Variants in VWF observed in about 807,000 individuals in gnomAD.
VWF encodes von Willebrand factor.
In VWF, 176 loss-of-function variants were observed where a neutral mutation model predicts 308.6. That is an observed-to-expected ratio of 0.57 (90% confidence interval 0.50 to 0.65). VWF has a LOEUF of 0.65. Ranked by LOEUF, VWF falls within the 30% of genes least tolerant of loss-of-function variation. The pLI, the probability that VWF is intolerant of heterozygous loss-of-function variation, is 0.00. For missense variants in VWF, 3,146 were observed against 3,648.2 expected (o/e 0.86, Z 3.55); for synonymous variants, 1,385 against 1,443.4 (o/e 0.96, Z 0.92).
intron 34 of VWF, among the ~76,000 whole-genome samples, chr12:6,004,207 A>G (rs144136814): frequency 1.3e-5 from 2 of 152,356 alleles, no homozygotes; most frequent in East Asian, 3.9e-4. Flanking sequence ...ATAAAATATT[A>G]CCAAACAGAA....
At chr12:5,988,299 G>A (rs116024563) in intron 38 of VWF, among the ~76,000 whole-genome samples, 1 of 152,168 alleles carries the variant, frequency 6.6e-6, no homozygotes, top group African/African-American at 2.4e-5. Context: ...GGACGGAAAA[G>A]GGAAGGACTA....
intron 6 of VWF, chr12:6,095,232 C>T (rs771675927): frequency 4.9e-6 from 3 of 608,052 alleles, no homozygotes; most frequent in Admixed American, 2.4e-5. Flanking sequence ...GTTATAGCAG[C>T]ACAAATGGAC....
At chr12:6,072,614 C>G (rs1944794218) in intron 8 of VWF, among the ~76,000 whole-genome samples, 172 bp from the exon 9 acceptor site, 1 of 152,310 alleles carries the variant, frequency 6.6e-6, no homozygotes. Flanking sequence ...AATTCCTCAT[C>G]TCCATTACTA....
chr12:6,028,675 A>G lies in VWF; in HGVS notation c.2967+667T>C, dbSNP rs183503832. Reference sequence around the variant, plus strand: ...CACCCAAACTAAGCTTCATAAGTGAAAGAGAAATAAAATCCTTTACAGACA... The same window carrying G: ...CACCCAAACTAAGCTTCATAAGTGAGAGAGAAATAAAATCCTTTACAGACA... On this transcript the variant is annotated intron_variant, in intron 22 of 51. Transcript: ENST00000261405. Among the ~76,000 whole-genome samples the G allele has an allele frequency of 1.3e-4, 20 of 152,312 alleles. No individual in the cohort carries two copies. In the East Asian group the frequency reaches 3.9e-3, roughly 29 times the overall value.
chr12:5,976,269 A>T lies in VWF; in HGVS notation c.7288-9T>A. The T allele has an allele frequency of 6.2e-7, 1 of 1,614,164 alleles. No homozygotes were observed. The highest frequency in any genetic ancestry group is 8.5e-7 in the Non-Finnish European group (1 of 1,180,038). ...CTTCGGTGGACACACACCTGTAGAC[A>T]TAAGTTTTCGTGAGTGAACTCATTT... is the stretch of plus-strand genomic sequence containing the variant. On this transcript the variant is annotated splice_polypyrimidine_tract_variant and intron_variant, in intron 42 of 51. Coordinates refer to ENST00000261405, the MANE Select transcript of VWF (RefSeq NM_000552.5).
In VWF at chr12:6,057,897, C is replaced by A. The variant is rs376162697; in HGVS notation, c.1681G>T (p.Asp561Tyr). The A allele has an allele frequency of 4.3e-6, 7 of 1,612,566 alleles. No individual in the cohort carries two copies. In the Admixed American group the frequency reaches 8.3e-5, roughly 19 times the overall value. Residue 561 changes from aspartate (D) to tyrosine (Y), a missense_variant, in exon 14 of 52, where the codon GAC becomes TAC. Asp to Tyr is a radical substitution (Grantham distance 160). Around this residue, in one of 3 missense-constraint regions of VWF, gnomAD observed 1,304 missense variants for 1,353.0 expected, o/e 0.96. Coordinates refer to ENST00000261405, the MANE Select transcript of VWF (RefSeq NM_000552.5). ...GGATCGCTGTGCTGCTTCTGCAGGT[C>A]CTGGCAGTCCCCGTGCAGCTTCCAG... is the stretch of plus-strand genomic sequence containing the variant. ...NAWKLHGDCQ[D>Y]LQKQHSDPCA...
intron 16 of VWF, among the ~76,000 whole-genome samples, chr12:6,049,939 A>G (rs1378938262): frequency 1.3e-5 from 2 of 151,984 alleles, no homozygotes; most frequent in East Asian, 1.9e-4. Flanking sequence ...CATTCCCCCA[A>G]GTTCTGACTC....
At position 6,058,181 on chromosome 12, in the gene VWF, T is replaced by G. The variant is rs1591890998; in HGVS notation, c.1534-137A>C. Reference sequence around the variant, plus strand: ...AAATATGAATGTAATAAAAGGCAGCTAAGCCCTAGGCTGCAAAAGGGGGGG... The same window carrying G: ...AAATATGAATGTAATAAAAGGCAGCGAAGCCCTAGGCTGCAAAAGGGGGGG... On this transcript the variant is annotated intron_variant, in intron 13 of 51. Transcript: ENST00000261405. This position sits in a 1 kb window ranked among gnomAD's most constrained non-coding sequence, Gnocchi z 4.9. The G allele has an allele frequency of 9.2e-6, 9 of 979,832 alleles. No individual in the cohort carries two copies. Among genetic ancestry groups the G allele is most frequent in the African/African-American group, 1.7e-5 (1 of 59,798 alleles). 60.7% of individuals were successfully genotyped at this position (979,832 alleles called of 1,614,324 possible).
At position 6,018,929 on chromosome 12, in the gene VWF, G is replaced by A. The variant is rs756949464; in HGVS notation, c.4489C>T (p.Leu1497=). ...CCTTCCAGGACGAACGCCACATCCA[G>A]AACCATGGAGTTCCTCTTGGGCCCC... ...TLGPKRNSMV[L]DVAFVLEGSD... Residue 1497 remains leucine, a synonymous_variant, in exon 28 of 52, where the codon CTG becomes TTG. Coordinates refer to ENST00000261405, the MANE Select transcript of VWF (RefSeq NM_000552.5). 2.5e-6 allele frequency: 4 copies of A among 1,613,942 alleles called. No homozygotes were observed. The South Asian group carries it at 4.4e-5, about 18-fold the overall frequency.
Position 6,064,364 on chromosome 12 carries a change from A to G in VWF, c.1314T>C (p.Ala438=), listed in dbSNP as rs1944688719. The change falls in exon 12 of 52, where the codon GCT becomes GCC. Residue 438 remains alanine (A), a synonymous_variant. Transcript: ENST00000261405. ...ETVQCADDRD[A]VCTRSVTVRL... ...GGACGGTGACGGAGCGGGTGCACAC[A>G]GCGTCGCGGTCATCAGCACACTGCC... The G allele has an allele frequency of 2.5e-6, 4 of 1,614,008 alleles. No homozygotes were observed. Among genetic ancestry groups the G allele is most frequent in the African/African-American group, 1.3e-5 (1 of 74,924 alleles).
chr12:6,060,236 G>GGCAGAGCTGGGCCCTGCAGGGCAGCCA lies in VWF; in HGVS notation c.1534-2219_1534-2193dup, dbSNP rs1944638732. ...ATCTTTTCCACACTGCTATGCCTAAGGCAGAGCTGGGCCCTGCAGGGCAGC... is the reference window on the plus strand; with the variant it reads ...ATCTTTTCCACACTGCTATGCCTAAGGCAGAGCTGGGCCCTGCAGGGCAGCCAGCAGAGCTGGGCCCTGCAGGGCAGC... On this transcript the variant is annotated intron_variant, in intron 13 of 51. Coordinates refer to ENST00000261405, the MANE Select transcript of VWF (RefSeq NM_000552.5). The surrounding 1 kb of genome is among the most constrained non-coding windows in gnomAD (Gnocchi z 5.1). 1.3e-5 allele frequency among the ~76,000 whole-genome samples: 2 copies of GGCAGAGCTGGGCCCTGCAGGGCAGCCA among 152,178 alleles called. No individual in the cohort carries two copies. The highest frequency in any genetic ancestry group is 1.3e-4 in the Admixed American group (2 of 15,286).
Position 6,058,128 on chromosome 12 carries a change from A to G in VWF, c.1534-84T>C. 1 of 1,495,188 alleles carries G rather than the reference A, an allele frequency of 6.7e-7. No homozygotes were observed. The highest frequency in any genetic ancestry group is 9.0e-7 in the Non-Finnish European group (1 of 1,110,340). 92.6% of individuals were successfully genotyped at this position (1,495,188 alleles called of 1,614,324 possible). A position where few individuals can be genotyped will look rare whatever the true frequency, so the allele number is the denominator to read the frequency against. ...TTAGCTAATGAGATGGTTTTAATAA[A>G]AAAAAAAAAGTTCCCCGGGTGAAAC... is the stretch of plus-strand genomic sequence containing the variant. On this transcript the variant is annotated intron_variant, in intron 13 of 51. Coordinates refer to ENST00000261405, the MANE Select transcript of VWF (RefSeq NM_000552.5). This position sits in a 1 kb window ranked among gnomAD's most constrained non-coding sequence, Gnocchi z 4.9.
chr12:6,000,191 A>T (rs1359433424), intron 34 of VWF, among the ~76,000 whole-genome samples: 1 of 152,224 alleles, frequency 6.6e-6, no homozygotes. Flanking sequence ...GTCCGGAAAA[A>T]TTAACCCAAA....
intron 3 of VWF, 85 bp from the exon 4 acceptor site, chr12:6,111,053 C>A (rs1035963900): frequency 7.7e-7 from 1 of 1,294,540 alleles, no homozygotes; most frequent in African/African-American, 1.5e-5. Context: ...TCTACGTAAC[C>A]TTTTCTCAGC....
At chr12:6,074,981 G>A (rs1398384121) in intron 7 of VWF, among the ~76,000 whole-genome samples, 1 of 152,070 alleles carries the variant, frequency 6.6e-6, no homozygotes, top group African/African-American at 2.4e-5. Flanking sequence ...CAATTCGGGC[G>A]GGCAGGCGGT....
chr12:6,121,371 T>C (rs756077754), intron 2 of VWF, 33 bp from the exon 3 acceptor site: 4 of 1,610,910 alleles, frequency 2.5e-6, no homozygotes, highest in Non-Finnish European at 3.4e-6. Context: ...GGGCTGGTGA[T>C]CTCAGGGCAC....
rs199604081 is a variant in VWF, at chr12:6,018,702, G to A, written c.4716C>T (p.Gly1572=). The change falls in exon 28 of 52, where the codon GGC becomes GGT. Residue 1572 remains glycine (G), a synonymous_variant. Coordinates refer to ENST00000261405, the MANE Select transcript of VWF (RefSeq NM_000552.5). The part of the protein sequence containing the change: ...LQRVREIRYQ[G]GNRTNTGLAL... Reference sequence around the variant, plus strand: ...CCAGCCCAGTGTTGGTCCTGTTGCCGCCCTGGTAGCGGATCTCTCGCACCC... The same window carrying A: ...CCAGCCCAGTGTTGGTCCTGTTGCCACCCTGGTAGCGGATCTCTCGCACCC... The A allele has an allele frequency of 5.1e-5, 83 of 1,613,632 alleles. No individual in the cohort carries two copies. Among genetic ancestry groups the A allele is most frequent in the Middle Eastern group, 1.7e-4 (1 of 6,010 alleles).
At chr12:6,028,588 GA>G (rs530537072) in intron 22 of VWF, among the ~76,000 whole-genome samples, 60 of 152,322 alleles carry the variant, frequency 3.9e-4, no homozygotes, top group African/African-American at 1.2e-3. Flanking sequence ...AGCCAGAAGA[GA>G]GGGGGGGACC....
chr12:6,071,415 C>T, intron 9 of VWF, 72 bp from the exon 10 acceptor site: 1 of 1,559,242 alleles, frequency 6.4e-7, no homozygotes, highest in Non-Finnish European at 8.8e-7. Context: ...ATTTAGAGCT[C>T]ATGGTAGTTA....
Sources: allele counts gnomAD v4.1 joint callset (sites outside exome capture counted in the v4.1 genomes callset), GRCh38; gene constraint gnomAD v4.1.1; regional missense constraint gnomAD v4.1.1; non-coding constraint Gnocchi (gnomAD v3.1); transcripts MANE v1.5; gene names NCBI Gene and HGNC (gene_info 2026-07-23, HGNC 2026-07-21).